PIWIL2: variants seen among roughly 807,000 people sequenced by gnomAD.
PIWIL2 encodes the protein piwi like RNA-mediated gene silencing 2, also known as piwi-like protein 2.
PIWIL2 carries 81 observed loss-of-function variants against 116.5 expected under a neutral mutation model. The ratio of observed to expected loss-of-function variants is 0.70; its 90% confidence interval spans 0.58 to 0.84. The LOEUF is 0.84. PIWIL2 is among the 40% of genes least tolerant of loss of function. The pLI is 0.00. For missense variants in PIWIL2, 1,272 were observed against 1,212.3 expected, an observed-to-expected ratio of 1.05 and a Z score of -0.73; for synonymous variants, 489 against 429.5, an observed-to-expected ratio of 1.14 and a Z score of -1.71.
At chr8:22,293,449 C>G (rs998144798) in intron 10 of PIWIL2, among the ~76,000 whole-genome samples, 7 of 152,116 alleles carry the variant, frequency 4.6e-5, no homozygotes, top group Non-Finnish European at 1.0e-4. Flanking sequence ...AAGTGATTCT[C>G]CTGCCTCAGG....
At chr8:22,349,467 A>G (rs1428537954) in intron 20 of PIWIL2, among the ~76,000 whole-genome samples, 1 of 147,724 alleles carries the variant, frequency 6.8e-6, no homozygotes, top group African/African-American at 2.5e-5. Context: ...ATCCCTTTTA[A>G]CAACCCTGAG....
At chr8:22,354,641 G>C (rs2132117623) in intron 22 of PIWIL2, among the ~76,000 whole-genome samples, 1 of 152,190 alleles carries the variant, frequency 6.6e-6, no homozygotes, top group Non-Finnish European at 1.5e-5. Context: ...TCTGTTCCAG[G>C]CGATTATGAC....
At position 22,307,947 on chromosome 8, in the gene PIWIL2, A is replaced by C. The variant is rs752934640; in HGVS notation, c.1560A>C (p.Gln520His). ...ATTCTGTTTAGGATTTGGCTCAGCAAATCAATCTGAGCCCCAAGCAACACC... is the reference window on the plus strand; with the variant it reads ...ATTCTGTTTAGGATTTGGCTCAGCACATCAATCTGAGCCCCAAGCAACACC... ...DFRAMKDLAQQINLSPKQHHS... is the reference protein window; with the variant it reads ...DFRAMKDLAQHINLSPKQHHS... The change falls in exon 14 of 23, where the codon CAA becomes CAC. Residue 520 changes from glutamine to histidine, a missense_variant. By Grantham distance (24) the Gln-to-His change is conservative (BLOSUM62 0). Transcript: ENST00000356766. 4 of 1,609,054 alleles carry C rather than the reference A, an allele frequency of 2.5e-6. No individual in the cohort carries two copies. The Admixed American group carries it at 6.7e-5, about 27-fold the overall frequency.
chr8:22,342,778 A>C (rs1832140256), intron 20 of PIWIL2, among the ~76,000 whole-genome samples: 1 of 152,204 alleles, frequency 6.6e-6, no homozygotes, highest in Non-Finnish European at 1.5e-5. Flanking sequence ...AAATTCATCG[A>C]ATTTAAAAAC....
intron 15 of PIWIL2, 38 bp downstream of exon 15, chr8:22,310,112 T>G (rs1831292233): frequency 9.3e-7 from 1 of 1,073,454 alleles, no homozygotes. Context: ...AGGACCAGTA[T>G]TCCCCAAAGT....
chr8:22,283,979 G>T (rs1425504587), intron 5 of PIWIL2, among the ~76,000 whole-genome samples, 183 bp from the exon 6 acceptor site: 1 of 152,120 alleles, frequency 6.6e-6, no homozygotes, highest in Non-Finnish European at 1.5e-5. Context: ...TCTTGCTAAC[G>T]ATTTGCCTTC....
intron 20 of PIWIL2, 128 bp from the exon 21 acceptor site, chr8:22,352,831 T>G: frequency 1.1e-6 from 1 of 910,284 alleles, no homozygotes. Context: ...CTAGGCACAG[T>G]AGCTTTGGCA....
At position 22,356,878 on chromosome 8, in the gene PIWIL2, G is replaced by A. The variant is rs542321701; in HGVS notation, c.*1373G>A. ...TTTTTTTTCCCCCCTCTCCATTTTA[G>A]AATCTTCTCCCAGTCCCTTCGGGCC... is the stretch of plus-strand genomic sequence containing the variant. On this transcript the variant is annotated 3_prime_UTR_variant, in exon 23 of 23. Transcript: ENST00000356766. 1.2e-4 allele frequency: 19 copies of A among 152,054 alleles called. No individual in the cohort carries two copies. In the South Asian group the frequency reaches 3.5e-3, roughly 28 times the overall value. The allele number at this position is 152,054 out of a possible 1,614,324, so 9.4% of individuals were successfully genotyped here.
At chr8:22,308,100 G>A in intron 14 of PIWIL2, 27 bp downstream of exon 14, 1 of 1,594,772 alleles carries the variant, frequency 6.3e-7, no homozygotes, top group Non-Finnish European at 8.6e-7. Flanking sequence ...GATGGTGTAT[G>A]CACATGTACA....
intron 20 of PIWIL2, among the ~76,000 whole-genome samples, chr8:22,334,744 C>T (rs1831941334): frequency 6.6e-6 from 1 of 151,916 alleles, no homozygotes; most frequent in African/African-American, 2.4e-5. Context: ...CTGTGCCTGG[C>T]AAGATTATTG....
intron 1 of PIWIL2, among the ~76,000 whole-genome samples, chr8:22,278,180 G>A (rs943241528): frequency 6.6e-6 from 1 of 151,144 alleles, no homozygotes; most frequent in Admixed American, 6.6e-5. Flanking sequence ...AAAAAAAAGG[G>A]GGGGAGGAAA....
chr8:22,276,894 C>A (rs1056847548), intron 1 of PIWIL2, among the ~76,000 whole-genome samples: 5 of 133,948 alleles, frequency 3.7e-5, no homozygotes, highest in Non-Finnish European at 8.0e-5. Context: ...CAGAACAAGA[C>A]CCTGTCTCTT....
intron 20 of PIWIL2, among the ~76,000 whole-genome samples, chr8:22,349,139 C>G (rs981272194): frequency 2.7e-5 from 4 of 150,664 alleles, no homozygotes; most frequent in Non-Finnish European, 4.4e-5. Context: ...ACCTCTGCCC[C>G]CCGGGTTCAA....
At chr8:22,328,151 G>T (rs748539184) in intron 20 of PIWIL2, among the ~76,000 whole-genome samples, 1 of 151,702 alleles carries the variant, frequency 6.6e-6, no homozygotes, top group Admixed American at 6.6e-5. Flanking sequence ...TTATTCTTTC[G>T]CATCTGGATA....
intron 15 of PIWIL2, among the ~76,000 whole-genome samples, chr8:22,310,355 C>A (rs1300741978): frequency 1.3e-5 from 2 of 152,112 alleles, no homozygotes; most frequent in Non-Finnish European, 2.9e-5. Flanking sequence ...TTTCTCTTTT[C>A]CCCCTCTTTT....
rs2132057559 is a variant in PIWIL2 at position 22,318,214 on chromosome 8, A to G, written c.2342A>G (p.His781Arg). 1 of 1,613,912 alleles carries G rather than the reference A, an allele frequency of 6.2e-7. No individual in the cohort carries two copies. The highest frequency in any genetic ancestry group is 2.2e-5 in the East Asian group (1 of 44,884). ...WYSRVVFQMP[H>R]QEIVDSLKLC... ...TCCCGGGTGGTGTTCCAGATGCCGCATCAGGAGATTGTGGACAGCCTGAAG... is the reference window on the plus strand; with the variant it reads ...TCCCGGGTGGTGTTCCAGATGCCGCGTCAGGAGATTGTGGACAGCCTGAAG... The change falls in exon 20 of 23, where the codon CAT becomes CGT. Residue 781 changes from histidine (H) to arginine (R), a missense_variant. His to Arg is a conservative substitution (Grantham distance 29). Transcript: ENST00000356766.
intron 16 of PIWIL2, among the ~76,000 whole-genome samples, chr8:22,314,121 A>G (rs982212968): frequency 3.3e-5 from 5 of 152,186 alleles, no homozygotes; most frequent in African/African-American, 1.2e-4. Context: ...CATATTACCT[A>G]TCTATACAGA....
intron 19 of PIWIL2, among the ~76,000 whole-genome samples, chr8:22,317,764 A>G (rs1265581594): frequency 6.6e-6 from 1 of 151,956 alleles, no homozygotes; most frequent in Non-Finnish European, 1.5e-5. Context: ...GGTTCACGCC[A>G]TTCTCCTGCC....
intron 10 of PIWIL2, among the ~76,000 whole-genome samples, chr8:22,294,984 C>G (rs1830862144): frequency 6.7e-6 from 1 of 149,158 alleles, no homozygotes; most frequent in Non-Finnish European, 1.5e-5. Context: ...GAGGCTGAGG[C>G]AGGAGAATGG....
Sources: gnomAD v4.1 joint callset for allele counts (sites outside exome capture counted in the v4.1 genomes callset) on GRCh38, gnomAD v4.1.1 for gene constraint, MANE v1.5 for transcripts, NCBI Gene and HGNC (gene_info 2026-07-23, HGNC 2026-07-21) for gene names.